The following AGMO variants were observed in gnomAD, a reference collection of about 807,000 sequenced individuals.
AGMO encodes alkylglycerol monooxygenase, also known as glyceryl-ether monooxygenase.
In AGMO, 75 loss-of-function variants were observed where a neutral mutation model predicts 60.2. The observed-to-expected ratio is 1.25, with a 90% CI of 1.03 to 1.51. The LOEUF (loss-of-function observed/expected upper bound fraction) is 1.51, where lower values mean the gene tolerates loss of function less well. AGMO is among the 40% of genes most tolerant of loss of function. The probability of loss-of-function intolerance (pLI) is 0.00; values close to 1 mark genes in which losing one functional copy is unlikely to be tolerated. For missense variants in AGMO, 763 were observed against 525.5 expected, an observed-to-expected ratio of 1.45 and a Z score of -4.42; for synonymous variants, 261 against 177.1, an observed-to-expected ratio of 1.47 and a Z score of -3.76.
chr7:15,413,591 A>C (rs1780675930), intron 5 of AGMO, among the ~76,000 whole-genome samples: 2 of 152,220 alleles, frequency 1.3e-5, no homozygotes, highest in Non-Finnish European at 2.9e-5. Flanking sequence ...AAGACACATT[A>C]TCTATGATAT....
intron 3 of AGMO, among the ~76,000 whole-genome samples, chr7:15,469,286 C>T (rs1020098714): frequency 6.6e-6 from 1 of 151,866 alleles, no homozygotes; most frequent in Non-Finnish European, 1.5e-5. Flanking sequence ...AAATAATAAA[C>T]TGATGTCACA....
intron 12 of AGMO, among the ~76,000 whole-genome samples, chr7:15,290,987 C>T (rs1395366527): frequency 6.6e-6 from 1 of 151,806 alleles, no homozygotes; most frequent in Non-Finnish European, 1.5e-5. Flanking sequence ...AAATTTAGCT[C>T]CGTTTTTTCG....
At position 15,209,305 on chromosome 7, in the gene AGMO, G is replaced by T. The variant is rs11975653; in HGVS notation, c.1264-7946C>A. ...CAAATGCAGAATAGCATGCAATACT[G>T]CTTATCCAGGATTTTTAGTGTGCTG... On this transcript the variant is annotated intron_variant, in intron 12 of 12. Transcript: ENST00000342526. Among the ~76,000 whole-genome samples the T allele has an allele frequency of 2.6e-3, 398 of 152,162 alleles. 2 individuals carry two copies. The highest frequency in any genetic ancestry group is 8.3e-3 in the African/African-American group (345 of 41,490).
At chr7:15,341,704 T>A (rs4296942) in intron 12 of AGMO, among the ~76,000 whole-genome samples, 1 of 151,834 alleles carries the variant, frequency 6.6e-6, no homozygotes, top group African/African-American at 2.4e-5. Context: ...AAAACATACC[T>A]GAGAGAGTGG....
intron 2 of AGMO, among the ~76,000 whole-genome samples, chr7:15,552,368 T>G (rs1357181285): frequency 6.6e-6 from 1 of 152,128 alleles, no homozygotes; most frequent in African/African-American, 2.4e-5. Flanking sequence ...GAAACTACCA[T>G]TAGAGTGAAC....
intron 12 of AGMO, among the ~76,000 whole-genome samples, chr7:15,283,941 A>G (rs1382590560): frequency 6.6e-6 from 1 of 152,076 alleles, no homozygotes; most frequent in Non-Finnish European, 1.5e-5. Flanking sequence ...CTCAAACTAG[A>G]CAAATACATG....
intron 12 of AGMO, among the ~76,000 whole-genome samples, chr7:15,345,116 A>T (rs554234098): frequency 6.6e-6 from 1 of 152,194 alleles, no homozygotes; most frequent in Non-Finnish European, 1.5e-5. Context: ...ACAAAAATGC[A>T]AATCTAATCA....
chr7:15,300,590 A>G (rs1004740774), intron 12 of AGMO, among the ~76,000 whole-genome samples: 4 of 152,216 alleles, frequency 2.6e-5, no homozygotes, highest in Non-Finnish European at 4.4e-5. Flanking sequence ...AAAAGAAAGC[A>G]GCAATTTTTC....
chr7:15,263,054 G>A (rs370984303), intron 12 of AGMO, among the ~76,000 whole-genome samples: 95 of 152,164 alleles, frequency 6.2e-4, no homozygotes, highest in African/African-American at 1.9e-3. Flanking sequence ...AAAAGCAAAT[G>A]CAACAAAAAC....
At chr7:15,382,168 TA>T (rs1442400318) in intron 10 of AGMO, among the ~76,000 whole-genome samples, 1 of 152,108 alleles carries the variant, frequency 6.6e-6, no homozygotes, top group Non-Finnish European at 1.5e-5. Context: ...GAACTTAAAA[TA>T]AAAGTTTAAA....
the AGMO span, among the ~76,000 whole-genome samples, chr7:15,123,360 C>T: frequency 1.3e-5 from 2 of 151,890 alleles, no homozygotes; most frequent in Admixed American, 1.3e-4. Flanking sequence ...GTATACTAGA[C>T]TGTAAGCCAT....
At chr7:15,186,561 G>A in the AGMO span, among the ~76,000 whole-genome samples, 1 of 152,208 alleles carries the variant, frequency 6.6e-6, no homozygotes, top group Non-Finnish European at 1.5e-5. Flanking sequence ...AGGCTCTATA[G>A]AGGGTGATGT....
intron 3 of AGMO, among the ~76,000 whole-genome samples, chr7:15,529,770 A>C (rs1307553399): frequency 1.8e-5 from 2 of 108,968 alleles, no homozygotes; most frequent in African/African-American, 7.3e-5. Context: ...ATATTTCTCT[A>C]TATATATTTC....
At chr7:15,281,097 G>C (rs1302126741) in intron 12 of AGMO, among the ~76,000 whole-genome samples, 2 of 152,060 alleles carry the variant, frequency 1.3e-5, no homozygotes, top group Non-Finnish European at 2.9e-5. Context: ...CACATCATGG[G>C]AACACCCCAT....
chr7:15,254,617 C>A (rs376030366), intron 12 of AGMO, among the ~76,000 whole-genome samples: 1 of 151,932 alleles, frequency 6.6e-6, no homozygotes, highest in East Asian at 1.9e-4. Flanking sequence ...CTTATAAAAT[C>A]TGGATGTTAT....
chr7:15,371,976 A>T (rs145713211), intron 10 of AGMO, among the ~76,000 whole-genome samples: 181 of 152,140 alleles, frequency 1.2e-3, no homozygotes, highest in African/African-American at 4.3e-3. Flanking sequence ...TATCCCTTTA[A>T]TTCCTTAAAA....
At chr7:15,246,162 C>G (rs73279631) in intron 12 of AGMO, among the ~76,000 whole-genome samples, 5,252 of 152,054 alleles carry the variant, frequency 0.035, 320 homozygotes, top group African/African-American at 0.12. Context: ...AGTTTTATGC[C>G]AAAGTGATTA....
At chr7:15,505,513 A>C (rs1783490874) in intron 3 of AGMO, among the ~76,000 whole-genome samples, 1 of 152,050 alleles carries the variant, frequency 6.6e-6, no homozygotes, top group East Asian at 1.9e-4. Context: ...ATTCTAATGA[A>C]CACAAAGTCT....
At chr7:15,519,232 T>C (rs893730725) in intron 3 of AGMO, among the ~76,000 whole-genome samples, 2 of 151,536 alleles carry the variant, frequency 1.3e-5, no homozygotes, top group Non-Finnish European at 2.9e-5. Context: ...GAAAACACAC[T>C]TCAGGATATT....
Sources: allele counts gnomAD v4.1 joint callset (sites outside exome capture counted in the v4.1 genomes callset), GRCh38; gene constraint gnomAD v4.1.1; transcripts MANE v1.5; gene names NCBI Gene and HGNC (gene_info 2026-07-23, HGNC 2026-07-21).